The following SLC4A4 variants were observed in gnomAD, a reference collection of about 807,000 sequenced individuals.
The protein encoded by SLC4A4 is solute carrier family 4 member 4, also known as electrogenic sodium bicarbonate cotransporter 1.
In SLC4A4, 27 loss-of-function variants were observed where a neutral mutation model predicts 111.5. That is an observed-to-expected ratio of 0.24 (90% CI 0.18 to 0.33). The LOEUF (loss-of-function observed/expected upper bound fraction) is 0.33. Among genes scored for constraint, SLC4A4 ranks in the 10% least tolerant of loss-of-function variants. SLC4A4 has a pLI of 1.00. For synonymous variants in SLC4A4, 443 were observed against 463.4 expected (o/e 0.96, Z 0.57); for missense variants, 909 against 1,315.5 (o/e 0.69, Z 4.78).
chr4:71,150,671 T>C (rs1186507614), intron 2 of SLC4A4, among the ~76,000 whole-genome samples: 1 of 152,176 alleles, frequency 6.6e-6, no homozygotes, highest in African/African-American at 2.4e-5. Context: ...AAACTCTTCA[T>C]ATAAGTGTGC....
At chr4:71,331,342 G>C (rs970649502) in intron 3 of SLC4A4, among the ~76,000 whole-genome samples, 22 of 152,222 alleles carry the variant, frequency 1.4e-4, no homozygotes, top group Middle Eastern at 3.4e-3. Flanking sequence ...AAATGTCCAT[G>C]AATGATAGAC....
chr4:71,065,579 A>T (rs1741497856), intron 1 of SLC4A4, among the ~76,000 whole-genome samples: 1 of 152,002 alleles, frequency 6.6e-6, no homozygotes, highest in South Asian at 2.1e-4. Context: ...TCTATTTGAC[A>T]ATATATATAT....
At chr4:71,497,250 C>T (rs910818840) in intron 15 of SLC4A4, among the ~76,000 whole-genome samples, 1 of 152,034 alleles carries the variant, frequency 6.6e-6, no homozygotes, top group African/African-American at 2.4e-5. Flanking sequence ...AACAAGTGGG[C>T]GATTTTAAGG....
At chr4:71,088,986 A>G (rs1433156758) in intron 1 of SLC4A4, among the ~76,000 whole-genome samples, 2 of 152,084 alleles carry the variant, frequency 1.3e-5, no homozygotes, top group East Asian at 1.9e-4. Context: ...CATAGACAAT[A>G]TCCTGCAGAA....
intron 14 of SLC4A4, 58 bp from the exon 15 acceptor site, chr4:71,486,890 T>C: frequency 9.3e-7 from 1 of 1,074,572 alleles, no homozygotes; most frequent in Non-Finnish European, 1.4e-6. Flanking sequence ...TAATTATGCA[T>C]TTAAGGTCTT....
At chr4:71,542,025 A>G (rs975381794) in intron 18 of SLC4A4, among the ~76,000 whole-genome samples, 1 of 152,048 alleles carries the variant, frequency 6.6e-6, no homozygotes, top group South Asian at 2.1e-4. Context: ...TTATGCATAT[A>G]TAGGTGGTTT....
chr4:71,171,363 C>T (rs921781420), intron 2 of SLC4A4, among the ~76,000 whole-genome samples: 1 of 152,046 alleles, frequency 6.6e-6, no homozygotes, highest in East Asian at 1.9e-4. Context: ...TGAGAAGGCA[C>T]AGTATAGTAG....
intron 16 of SLC4A4, among the ~76,000 whole-genome samples, chr4:71,520,280 T>C (rs1254137499): frequency 6.6e-6 from 1 of 152,204 alleles, no homozygotes; most frequent in Non-Finnish European, 1.5e-5. Context: ...ATTTCTCTTT[T>C]GTTCTCTCAT....
At chr4:71,321,004 A>G (rs1727076578) in intron 3 of SLC4A4, among the ~76,000 whole-genome samples, 1 of 152,044 alleles carries the variant, frequency 6.6e-6, no homozygotes, top group African/African-American at 2.4e-5. Context: ...AGGGATTAAG[A>G]AATGTTGTAG....
At chr4:71,312,266 G>A (rs183695855) in intron 3 of SLC4A4, among the ~76,000 whole-genome samples, 2 of 152,054 alleles carry the variant, frequency 1.3e-5, no homozygotes, top group Admixed American at 6.6e-5. Context: ...TTCTGAAATT[G>A]GAGGCAGTAA....
intron 2 of SLC4A4, among the ~76,000 whole-genome samples, chr4:71,179,396 G>T (rs1745210302): frequency 6.6e-6 from 1 of 152,154 alleles, no homozygotes; most frequent in Non-Finnish European, 1.5e-5. Context: ...ATTCAATTAG[G>T]AACAGAGGAA....
intron 3 of SLC4A4, among the ~76,000 whole-genome samples, chr4:71,333,153 T>A (rs1728155092): frequency 6.6e-6 from 1 of 152,244 alleles, no homozygotes; most frequent in African/African-American, 2.4e-5. Flanking sequence ...TTTGTACCTG[T>A]CTTGGGAAAG....
chr4:71,471,204 A>T (rs781144841), intron 13 of SLC4A4, among the ~76,000 whole-genome samples: 1 of 151,992 alleles, frequency 6.6e-6, no homozygotes, highest in Non-Finnish European at 1.5e-5. Context: ...ACAGACATGC[A>T]TTTATTCATC....
intron 4 of SLC4A4, among the ~76,000 whole-genome samples, chr4:71,343,628 A>C (rs910818426): frequency 1.3e-5 from 2 of 152,230 alleles, no homozygotes; most frequent in Non-Finnish European, 2.9e-5. Context: ...TTTTACCTTT[A>C]AAGATATTCA....
At chr4:71,421,351 C>A (rs1163863228) in intron 7 of SLC4A4, among the ~76,000 whole-genome samples, 2 of 152,086 alleles carry the variant, frequency 1.3e-5, no homozygotes, top group African/African-American at 4.8e-5. Context: ...CCTGAGTGAC[C>A]TACAAAGAGA....
chr4:71,360,689 C>G (rs2148917527), intron 6 of SLC4A4, among the ~76,000 whole-genome samples: 1 of 152,190 alleles, frequency 6.6e-6, no homozygotes, highest in East Asian at 1.9e-4. Flanking sequence ...TAACCATATG[C>G]TAGCTACTGA....
At chr4:71,244,448 C>T (rs1221238766) in intron 2 of SLC4A4, among the ~76,000 whole-genome samples, 1 of 152,112 alleles carries the variant, frequency 6.6e-6, no homozygotes, top group East Asian at 1.9e-4. Context: ...TCCAGTAAGC[C>T]ATTAAGAAGT....
intron 5 of SLC4A4, 135 bp from the exon 6 acceptor site, chr4:71,356,872 TA>T: frequency 1.3e-6 from 1 of 775,816 alleles, no homozygotes; most frequent in Non-Finnish European, 2.1e-6. Context: ...ATCTTTTACA[TA>T]AAATGGGAAA....
At chr4:71,480,443 T>C (rs16846415) in intron 14 of SLC4A4, among the ~76,000 whole-genome samples, 2,451 of 151,678 alleles carry the variant, frequency 0.016, 61 homozygotes, top group African/African-American at 0.053. Flanking sequence ...TAGTAGCAAA[T>C]AATTTCCCTA....
Sources: allele counts gnomAD v4.1 joint callset (sites outside exome capture counted in the v4.1 genomes callset), GRCh38; gene constraint gnomAD v4.1.1; transcripts MANE v1.5; gene names NCBI Gene and HGNC (gene_info 2026-07-23, HGNC 2026-07-21).